The following SNTG2 variants were observed in gnomAD, a reference collection of about 807,000 sequenced individuals.
SNTG2 encodes the protein gamma-2-syntrophin.
A neutral mutation model predicts 70.9 loss-of-function variants in SNTG2; 74 were observed. The observed-to-expected ratio is 1.04, with a 90% CI of 0.86 to 1.27. The LOEUF is 1.27. SNTG2 is among the 50% of genes most tolerant of loss of function. SNTG2 has a pLI of 0.00. For synonymous variants in SNTG2, 278 were observed against 273.8 expected (o/e 1.02, Z -0.15); for missense variants, 717 against 690.7 (o/e 1.04, Z -0.43).
chr2:1,351,505 G>T (rs1488985875), intron 16 of SNTG2, among the ~76,000 whole-genome samples: 1 of 152,140 alleles, frequency 6.6e-6, no homozygotes, highest in Non-Finnish European at 1.5e-5. Context: ...CACTGCCAAG[G>T]AAGGTAGATC....
At chr2:1,335,789 T>C (rs62105572) in intron 16 of SNTG2, among the ~76,000 whole-genome samples, 274 of 151,966 alleles carry the variant, frequency 1.8e-3, no homozygotes, top group Non-Finnish European at 3.0e-3. Flanking sequence ...AAATATGAGA[T>C]GGATGTTCAC....
At chr2:1,306,709 T>TGTGTGTGTGTGC (rs1298537166) in intron 14 of SNTG2, among the ~76,000 whole-genome samples, 11 of 150,366 alleles carry the variant, frequency 7.3e-5, no homozygotes, top group South Asian at 4.2e-4. Context: ...TGTGTGTGTG[T>TGTGTGTGTGTGC]GCCATGCACT....
chr2:1,166,915 C>CGA (rs1670745816), intron 7 of SNTG2, among the ~76,000 whole-genome samples: 1 of 152,078 alleles, frequency 6.6e-6, no homozygotes, highest in African/African-American at 2.4e-5. Flanking sequence ...GGTGGTTGGA[C>CGA]GAGACTCCAG....
intron 16 of SNTG2, among the ~76,000 whole-genome samples, chr2:1,325,432 A>C (rs548278216): frequency 3.3e-5 from 5 of 152,254 alleles, no homozygotes; most frequent in Non-Finnish European, 7.3e-5. Flanking sequence ...ACAAAAAGTT[A>C]TACAAGTTAT....
chr2:1,229,500 A>C (rs1183900493), intron 9 of SNTG2, among the ~76,000 whole-genome samples: 1 of 152,232 alleles, frequency 6.6e-6, no homozygotes, highest in Non-Finnish European at 1.5e-5. Context: ...AAGGTTCTCC[A>C]AGTCCCCACC....
At chr2:1,117,833 A>G (rs1332207332) in intron 4 of SNTG2, among the ~76,000 whole-genome samples, 2 of 152,180 alleles carry the variant, frequency 1.3e-5, no homozygotes, top group Admixed American at 6.5e-5. Context: ...GGCCACTGCC[A>G]TGTCCTGCCA....
At chr2:1,358,047 T>C (rs1660945377) in intron 16 of SNTG2, among the ~76,000 whole-genome samples, 1 of 152,158 alleles carries the variant, frequency 6.6e-6, no homozygotes. Flanking sequence ...TCTTTCTCTA[T>C]TGCAGATGTT....
At chr2:988,628 C>T (rs1661402415) in intron 1 of SNTG2, among the ~76,000 whole-genome samples, 1 of 152,118 alleles carries the variant, frequency 6.6e-6, no homozygotes, top group Non-Finnish European at 1.5e-5. Context: ...TGTGGGCGTT[C>T]ATACGTGGAC....
intron 1 of SNTG2, among the ~76,000 whole-genome samples, chr2:1,052,867 G>A (rs1247937294): frequency 6.6e-6 from 1 of 152,184 alleles, no homozygotes; most frequent in Non-Finnish European, 1.5e-5. Context: ...AAGTTATTCA[G>A]TTGCAGCTGC....
intron 1 of SNTG2, among the ~76,000 whole-genome samples, chr2:1,022,218 A>G (rs940449856): frequency 2.0e-5 from 3 of 152,018 alleles, no homozygotes; most frequent in Admixed American, 2.0e-4. Context: ...AGGTTCTTGC[A>G]AGTCCCTGAT....
At chr2:1,326,898 A>T (rs1051365914) in intron 16 of SNTG2, among the ~76,000 whole-genome samples, 5 of 151,630 alleles carry the variant, frequency 3.3e-5, no homozygotes, top group African/African-American at 1.2e-4. Context: ...TTCTTCTTTT[A>T]TTCTTTCCAT....
Position 950,961 on chromosome 2 carries a change from C to G in SNTG2, c.-36C>G. 10 of 1,161,234 alleles carry G rather than the reference C, an allele frequency of 8.6e-6. No homozygotes were observed. The highest frequency in any genetic ancestry group is 1.1e-5 in the Non-Finnish European group (10 of 927,712). The allele number at this position is 1,161,234 out of a possible 1,614,324, so 71.9% of individuals were successfully genotyped here. On this transcript the variant is annotated 5_prime_UTR_variant, in exon 1 of 17. Coordinates refer to ENST00000308624, the MANE Select transcript of SNTG2 (RefSeq NM_018968.4). Reference sequence around the variant, plus strand: ...GACGGGGTCCTGGCGTTGAGCTCGGCCGGCCCGGAGCGCGGACCCAGCCGC... The same window carrying G: ...GACGGGGTCCTGGCGTTGAGCTCGGGCGGCCCGGAGCGCGGACCCAGCCGC...
At chr2:1,237,204 A>G (rs189078024) in intron 9 of SNTG2, among the ~76,000 whole-genome samples, 2 of 152,264 alleles carry the variant, frequency 1.3e-5, no homozygotes, top group East Asian at 1.9e-4. Context: ...CAGTCTTCCA[A>G]CGTCCTGTGA....
intron 1 of SNTG2, among the ~76,000 whole-genome samples, chr2:1,012,904 C>A (rs1387428780): frequency 1.8e-5 from 1 of 54,282 alleles, no homozygotes; most frequent in Non-Finnish European, 4.0e-5. Flanking sequence ...GAAGGGTGGT[C>A]TGGAGAAGGA....
intron 15 of SNTG2, among the ~76,000 whole-genome samples, chr2:1,311,385 A>G (rs1162140132): frequency 6.6e-6 from 1 of 152,226 alleles, no homozygotes; most frequent in African/African-American, 2.4e-5. Context: ...AGCACATGAC[A>G]ACATAAACAA....
Position 951,053 on chromosome 2 carries a change from G to A in SNTG2, c.57G>A (p.Leu19=). 1 of 1,272,832 alleles carries A rather than the reference G, an allele frequency of 7.9e-7. No individual in the cohort carries two copies. Among genetic ancestry groups the A allele is most frequent in the Non-Finnish European group, 9.9e-7 (1 of 1,012,304 alleles). 78.8% of individuals were successfully genotyped at this position (1,272,832 alleles called of 1,614,324 possible). Residue 19 remains leucine (L), a synonymous_variant, in exon 1 of 17, where the codon CTG becomes CTA. Transcript: ENST00000308624. The part of the protein sequence containing the change: ...PAASRGRQGC[L]LVPARTKTTI... ...CCTCCCGCGGACGCCAGGGCTGCCT[G>A]CTGGTACCTGCGCGGGTGAGTGCGG... is the stretch of plus-strand genomic sequence containing the variant.
At chr2:1,295,660 C>G (rs962532485) in intron 14 of SNTG2, among the ~76,000 whole-genome samples, 19 of 151,804 alleles carry the variant, frequency 1.3e-4, no homozygotes, top group Non-Finnish European at 2.9e-5. Context: ...GAGGGTCAGG[C>G]AGGTGTCTCC....
chr2:1,145,278 A>G (rs28773538), intron 6 of SNTG2, among the ~76,000 whole-genome samples: 55,821 of 126,630 alleles, frequency 0.44, 11,106 homozygotes, highest in East Asian at 0.83. Context: ...AAGACAGGAA[A>G]TCAAGATAGG....
At position 1,098,365 on chromosome 2, in the gene SNTG2, C is replaced by T; in HGVS notation, c.280C>T (p.His94Tyr). 11 of 1,613,964 alleles carry T rather than the reference C, an allele frequency of 6.8e-6. No individual in the cohort carries two copies. The highest frequency in any genetic ancestry group is 1.1e-5 in the South Asian group (1 of 91,082). Residue 94 changes from histidine (H) to tyrosine (Y), a missense_variant, in exon 4 of 17, where the codon CAC (histidine) becomes TAC (tyrosine). Transcript: ENST00000308624. ...LGLSIKGGSE[H>Y]NVPVVISKIF... The stretch of plus-strand genomic sequence containing the variant: ...CTTTGTCTTTCAGGGAGGTTCTGAG[C>T]ACAACGTCCCTGTCGTCATATCAAA...
Sources: allele counts gnomAD v4.1 joint callset (sites outside exome capture counted in the v4.1 genomes callset), GRCh38; gene constraint gnomAD v4.1.1; transcripts MANE v1.5; gene names NCBI Gene and HGNC (gene_info 2026-07-23, HGNC 2026-07-21).